The following PCNT variants were observed in gnomAD, a reference collection of about 807,000 sequenced individuals.
PCNT encodes pericentrin.
A neutral mutation model predicts 380.4 loss-of-function variants in PCNT; 319 were observed. The observed-to-expected ratio is 0.84, with a 90% CI of 0.77 to 0.92. The LOEUF is 0.92. Among genes scored for constraint, PCNT ranks in the 40% least tolerant of loss-of-function variants. PCNT has a pLI of 0.00. For missense variants in PCNT, 4,400 were observed against 4,255.3 expected, an observed-to-expected ratio of 1.03 and a Z score of -0.95; for synonymous variants, 1,845 against 1,735.2, an observed-to-expected ratio of 1.06 and a Z score of -1.57.
intron 32 of PCNT, among the ~76,000 whole-genome samples, chr21:46,423,974 CTTTA>C (rs1370769689): frequency 7.2e-5 from 11 of 152,060 alleles, no homozygotes; most frequent in Non-Finnish European, 1.5e-4. Flanking sequence ...CAGGGTTTTC[CTTTA>C]TTGTCTTAAT....
chr21:46,371,965 A>G (rs539427199), intron 15 of PCNT, among the ~76,000 whole-genome samples: 11 of 151,578 alleles, frequency 7.3e-5, no homozygotes, highest in African/African-American at 1.9e-4. Context: ...AACAGCACAT[A>G]CATAGCACAT....
chr21:46,422,880 G>A (rs78202507), intron 32 of PCNT, among the ~76,000 whole-genome samples: 2,844 of 152,272 alleles, frequency 0.019, 46 homozygotes, highest in Middle Eastern at 0.031. Context: ...TGTTACATGC[G>A]TTTAAAAGTC....
chr21:46,396,163 T>C (rs1315208977), intron 21 of PCNT, among the ~76,000 whole-genome samples: 2 of 152,256 alleles, frequency 1.3e-5, no homozygotes, highest in African/African-American at 4.8e-5. Flanking sequence ...CGCTTTTTCA[T>C]CTGCAGTTTC....
rs556261901 is a variant in PCNT at position 46,362,260 on chromosome 21, A to C, written c.2155-1220A>C. Among the ~76,000 whole-genome samples, 343 of 150,622 alleles carry C rather than the reference A, an allele frequency of 2.3e-3. 3 individuals are homozygous for C. Among genetic ancestry groups the C allele is most frequent in the Middle Eastern group, 0.01 (3 of 294 alleles). On this transcript the variant is annotated intron_variant, in intron 13 of 46. Transcript: ENST00000359568. The stretch of plus-strand genomic sequence containing the variant: ...GCGTTGCAGCTCTCTTTCCTCCCTC[A>C]CTCTCCAGTTCCTCTGGCTCAGTGA...
At chr21:46,407,388 C>G (rs1453229550) in intron 27 of PCNT, among the ~76,000 whole-genome samples, 1 of 138,474 alleles carries the variant, frequency 7.2e-6, no homozygotes, top group East Asian at 2.4e-4. Context: ...GTCACCCAGG[C>G]TGGAGTGCAA....
intron 42 of PCNT, 56 bp downstream of exon 42, chr21:46,440,258 C>G: frequency 6.3e-7 from 1 of 1,599,928 alleles, no homozygotes; most frequent in Non-Finnish European, 8.5e-7. Context: ...CCTGGGTTTG[C>G]AAATTGCAGG....
chr21:46,421,878 G>A, intron 31 of PCNT, 92 bp from the exon 32 acceptor site: 1 of 1,416,104 alleles, frequency 7.1e-7, no homozygotes, highest in South Asian at 1.2e-5. Context: ...GGGGACTGCG[G>A]GCCGATCACC....
At chr21:46,417,099 C>G (rs2087056822) in intron 30 of PCNT, among the ~76,000 whole-genome samples, 2 of 152,140 alleles carry the variant, frequency 1.3e-5, no homozygotes, top group South Asian at 4.1e-4. Flanking sequence ...CTCCAACGGG[C>G]ATAGCCCAGA....
rs777932072 is a variant in PCNT, at chr21:46,436,093, C to T, written c.8941C>T (p.Arg2981Trp). 75 of 1,611,730 alleles carry T rather than the reference C, an allele frequency of 4.7e-5. No individual in the cohort carries two copies. The Admixed American group carries it at 7.3e-4, about 16-fold the overall frequency. The stretch of plus-strand genomic sequence containing the variant: ...GCGAGAGCTGGAGGCGATGAGGCAG[C>T]GGCTGCTCTCTGCCGCCCGGCTTCT... ...QQRELEAMRQ[R>W]LLSAARLLTS... Residue 2981 changes from arginine to tryptophan, a missense_variant, in exon 39 of 47, where the codon CGG becomes TGG. By Grantham distance (101) the Arg-to-Trp change is moderately radical (BLOSUM62 -3). Transcript: ENST00000359568.
intron 2 of PCNT, 147 bp downstream of exon 2, chr21:46,326,736 G>A (rs1555941217): frequency 2.2e-6 from 2 of 910,720 alleles, no homozygotes; most frequent in Non-Finnish European, 1.7e-6. Context: ...AGTGAGGGCC[G>A]GGTGCAGTGG....
rs768518510 is a variant in PCNT, at chr21:46,357,032, G to A, written c.1995G>A (p.Glu665=). ...VQDGDLEADT[E]RAARVLGLET... ...ACGGGGACTTGGAGGCCGACACAGA[G>A]CGGGCAGCCAGAGTCTTGGGTCTGG... The change falls in exon 13 of 47, where the codon GAG becomes GAA. Residue 665 remains glutamate, a synonymous_variant. Coordinates refer to ENST00000359568, the MANE Select transcript of PCNT (RefSeq NM_006031.6). 6.2e-7 allele frequency: 1 copy of A among 1,614,258 alleles called. No individual in the cohort carries two copies. Among genetic ancestry groups the A allele is most frequent in the East Asian group, 2.2e-5 (1 of 44,888 alleles).
intron 1 of PCNT, among the ~76,000 whole-genome samples, chr21:46,325,622 T>A (rs958050591): frequency 2.0e-5 from 3 of 152,262 alleles, no homozygotes; most frequent in Non-Finnish European, 4.4e-5. Context: ...TACACAAATG[T>A]GTGTTCCATG....
intron 3 of PCNT, among the ~76,000 whole-genome samples, chr21:46,345,416 C>T (rs1233746693): frequency 6.6e-6 from 1 of 152,062 alleles, no homozygotes; most frequent in Non-Finnish European, 1.5e-5. Context: ...TGGGGTTTCA[C>T]CATGTTGGCC....
intron 32 of PCNT, among the ~76,000 whole-genome samples, chr21:46,422,696 T>C (rs1268699192): frequency 6.6e-6 from 1 of 152,146 alleles, no homozygotes; most frequent in African/African-American, 2.4e-5. Context: ...AGTCAAGTGG[T>C]AAACATATTC....
intron 27 of PCNT, among the ~76,000 whole-genome samples, chr21:46,403,746 G>A (rs1307301764): frequency 7.1e-6 from 1 of 141,032 alleles, no homozygotes; most frequent in Admixed American, 7.1e-5. Context: ...TGTGTTTGGT[G>A]CCCACGCGGC....
Position 46,443,822 on chromosome 21 carries a change from G to A in PCNT, c.9713G>A (p.Arg3238Gln), listed in dbSNP as rs773158544. 13 of 1,613,584 alleles carry A rather than the reference G, an allele frequency of 8.1e-6. No homozygotes were observed. Among genetic ancestry groups the A allele is most frequent in the Admixed American group, 3.3e-5 (2 of 60,008 alleles). ...AATTCTGGGGAAGGGCCCCGAGCAC[G>A]ACAGCCGCAGTCTCCACCCAGAACC... ...GKAPRPGPRARQPQSPPRTRE... is the reference protein window; with the variant it reads ...GKAPRPGPRAQQPQSPPRTRE... Residue 3238 changes from arginine (R) to glutamine (Q), a missense_variant, in exon 45 of 47, where the codon CGA becomes CAA. By Grantham distance (43) the Arg-to-Gln change is conservative. Coordinates refer to ENST00000359568, the MANE Select transcript of PCNT (RefSeq NM_006031.6).
intron 37 of PCNT, 24 bp from the exon 38 acceptor site, chr21:46,431,505 C>G (rs1239384246): frequency 2.5e-6 from 4 of 1,613,754 alleles, no homozygotes; most frequent in African/African-American, 1.3e-5. Flanking sequence ...TCAGTGTCTC[C>G]CATCGTATGT....
At chr21:46,337,203 C>T (rs1473871327) in intron 3 of PCNT, among the ~76,000 whole-genome samples, 1 of 152,128 alleles carries the variant, frequency 6.6e-6, no homozygotes, top group East Asian at 1.9e-4. Flanking sequence ...TCTCCAACTC[C>T]TGACCTCAGA....
chr21:46,325,648 C>T (rs1184091006), intron 1 of PCNT, among the ~76,000 whole-genome samples: 1 of 152,146 alleles, frequency 6.6e-6, no homozygotes, highest in Non-Finnish European at 1.5e-5. Flanking sequence ...GTTTTTGTGG[C>T]CACAGTTGTC....
Sources: gnomAD v4.1 joint callset for allele counts (sites outside exome capture counted in the v4.1 genomes callset) on GRCh38, gnomAD v4.1.1 for gene constraint, MANE v1.5 for transcripts, NCBI Gene and HGNC (gene_info 2026-07-23, HGNC 2026-07-21) for gene names.